The following KAZN variants were observed in gnomAD, a reference collection of about 807,000 sequenced individuals.
KAZN encodes kazrin.
Under a neutral mutation model 87.4 loss-of-function variants are expected in KAZN, and 40 were observed. That is an observed-to-expected ratio of 0.46 (90% confidence interval 0.36 to 0.60). The LOEUF (loss-of-function observed/expected upper bound fraction) is 0.60, where lower values mean the gene tolerates loss of function less well. Among genes scored for constraint, KAZN ranks in the 20% least tolerant of loss-of-function variants. The probability of loss-of-function intolerance (pLI) is 0.00; values close to 1 mark genes in which losing one functional copy is unlikely to be tolerated. For missense variants in KAZN, 898 were observed against 1,073.9 expected (o/e 0.84, Z 2.29); for synonymous variants, 466 against 458.3 (o/e 1.02, Z -0.22).
chr1:14,774,738 G>T (rs904803544), intron 1 of KAZN, among the ~76,000 whole-genome samples: 68 of 152,202 alleles, frequency 4.5e-4, no homozygotes, highest in African/African-American at 1.6e-3. Context: ...TCCCACCGTG[G>T]CCTCCCAAAG....
chr1:14,963,878 G>C (rs13353018), intron 2 of KAZN, among the ~76,000 whole-genome samples: 12,649 of 152,014 alleles, frequency 0.083, 1,727 homozygotes, highest in African/African-American at 0.29. Flanking sequence ...GAGAACGTGT[G>C]GTGTTTGGTT....
chr1:14,109,298 A>G (rs967451733), intron 1 of KAZN, among the ~76,000 whole-genome samples: 16 of 152,180 alleles, frequency 1.1e-4, no homozygotes, highest in Non-Finnish European at 1.9e-4. Flanking sequence ...AGCCCTTAGT[A>G]TTGGCAATGA....
At chr1:14,637,951 A>C (rs1427713246) in intron 1 of KAZN, among the ~76,000 whole-genome samples, 6 of 151,872 alleles carry the variant, frequency 4.0e-5, no homozygotes, top group Admixed American at 3.9e-4. Flanking sequence ...TGGGGGAGAG[A>C]CTATCCCACA....
intron 1 of KAZN, among the ~76,000 whole-genome samples, chr1:13,960,968 T>G (rs906113776): frequency 2.6e-5 from 4 of 152,190 alleles, no homozygotes; most frequent in African/African-American, 9.7e-5. Flanking sequence ...TACTCATTCA[T>G]TCATTTGATC....
intron 2 of KAZN, among the ~76,000 whole-genome samples, chr1:14,357,763 G>C (rs146810862): frequency 5.9e-5 from 9 of 152,268 alleles, no homozygotes; most frequent in African/African-American, 2.2e-4. Flanking sequence ...TTGCATCCCA[G>C]GGATAAAGCC....
chr1:14,295,181 C>G (rs934849180), intron 2 of KAZN, among the ~76,000 whole-genome samples: 1 of 152,170 alleles, frequency 6.6e-6, no homozygotes, highest in Non-Finnish European at 1.5e-5. Context: ...TTCCCCCAAC[C>G]CTTACTGTAA....
chr1:14,668,332 C>T lies in KAZN; in HGVS notation c.226+69109C>T, dbSNP rs929895553. On this transcript the variant is annotated intron_variant, in intron 1 of 14. Transcript: ENST00000376030. The stretch of plus-strand genomic sequence containing the variant: ...GAACGTCCCTGGGTGAGTCCATCAG[C>T]GGTTCATGGCTGTCCTTTGTCCCAG... Among the ~76,000 whole-genome samples, 49 of 152,144 alleles carry T rather than the reference C, an allele frequency of 3.2e-4. 1 individual carries two copies. The highest frequency in any genetic ancestry group is 4.4e-5 in the Non-Finnish European group (3 of 68,028).
At chr1:14,530,651 G>A (rs904378500) in intron 2 of KAZN, among the ~76,000 whole-genome samples, 1 of 151,970 alleles carries the variant, frequency 6.6e-6, no homozygotes, top group African/African-American at 2.4e-5. Context: ...CCTTTCTCAC[G>A]ATGCAATGTG....
intron 1 of KAZN, among the ~76,000 whole-genome samples, chr1:14,180,007 T>C (rs1000966655): frequency 1.6e-4 from 25 of 152,222 alleles, no homozygotes; most frequent in African/African-American, 5.5e-4. Flanking sequence ...AGAGGTACAA[T>C]AGCCAACTGT....
intron 2 of KAZN, among the ~76,000 whole-genome samples, chr1:14,252,565 T>C (rs1312837525): frequency 6.6e-6 from 1 of 152,182 alleles, no homozygotes; most frequent in Non-Finnish European, 1.5e-5. Context: ...CTCATGCTCT[T>C]CCTTCAAATA....
At chr1:14,475,802 C>A (rs1042658510) in intron 2 of KAZN, among the ~76,000 whole-genome samples, 2 of 152,020 alleles carry the variant, frequency 1.3e-5, no homozygotes, top group African/African-American at 4.8e-5. Flanking sequence ...CAAAGGAAAG[C>A]CCAATGGGCA....
chr1:14,390,983 C>T (rs1238695447), intron 2 of KAZN, among the ~76,000 whole-genome samples: 4 of 152,216 alleles, frequency 2.6e-5, no homozygotes, highest in Non-Finnish European at 5.9e-5. Flanking sequence ...AAGATATTGG[C>T]TTCGACTCAG....
At chr1:14,597,761 C>G (rs1676602324), upstream of KAZN, among the ~76,000 whole-genome samples, 1 of 152,078 alleles carries the variant, frequency 6.6e-6, no homozygotes, top group South Asian at 2.1e-4. Flanking sequence ...TTAAATTGTC[C>G]TATTTGCATG....
chr1:15,103,882 T>C, intron 12 of KAZN, 141 bp from the exon 13 acceptor site: 1 of 805,832 alleles, frequency 1.2e-6, no homozygotes, highest in Non-Finnish European at 1.9e-6. Flanking sequence ...TGGGGAGGGG[T>C]TCCTCTTCAC....
chr1:14,366,862 T>A (rs984384619), intron 2 of KAZN, among the ~76,000 whole-genome samples: 2 of 152,158 alleles, frequency 1.3e-5, no homozygotes, highest in African/African-American at 4.8e-5. Context: ...GTACCCAAGC[T>A]CTTGTTCAGC....
chr1:14,457,632 G>A (rs1396862282), intron 2 of KAZN, among the ~76,000 whole-genome samples: 1 of 151,706 alleles, frequency 6.6e-6, no homozygotes, highest in East Asian at 1.9e-4. Context: ...CAAGTTCTTG[G>A]AAAAAAATCA....
At chr1:13,982,457 A>G (rs1015688567) in intron 1 of KAZN, among the ~76,000 whole-genome samples, 1 of 152,338 alleles carries the variant, frequency 6.6e-6, no homozygotes, top group Admixed American at 6.5e-5. Context: ...CAGCTCATAA[A>G]AGCAGTGTGG....
chr1:14,158,348 G>T (rs371477141), intron 1 of KAZN, among the ~76,000 whole-genome samples: 2 of 151,880 alleles, frequency 1.3e-5, no homozygotes, highest in East Asian at 3.9e-4. Context: ...CTGTCTTGAA[G>T]CTCCCTAATC....
At chr1:14,334,627 AG>A (rs1657098569) in intron 2 of KAZN, among the ~76,000 whole-genome samples, 1 of 152,200 alleles carries the variant, frequency 6.6e-6, no homozygotes, top group Admixed American at 6.5e-5. Context: ...GAAGTCAGGC[AG>A]GATTAGGAGC....
Sources: allele counts gnomAD v4.1 joint callset (sites outside exome capture counted in the v4.1 genomes callset), GRCh38; gene constraint gnomAD v4.1.1; transcripts MANE v1.5; gene names NCBI Gene and HGNC (gene_info 2026-07-23, HGNC 2026-07-21).